SLC14A2: variants seen among roughly 807,000 people sequenced by gnomAD.
The protein encoded by SLC14A2 is urea transporter 2.
SLC14A2 carries 91 observed loss-of-function variants against 104.6 expected under a neutral mutation model. The observed-to-expected ratio is 0.87, with a 90% CI of 0.73 to 1.04. SLC14A2 has a LOEUF of 1.04. Among genes scored for constraint, SLC14A2 ranks in the 50% least tolerant of loss-of-function variants. The pLI, the probability that SLC14A2 is intolerant of heterozygous loss-of-function variation, is 0.00. For missense variants in SLC14A2, 1,189 were observed against 1,156.0 expected (o/e 1.03, Z -0.41); for synonymous variants, 476 against 466.4 (o/e 1.02, Z -0.27).
At chr18:45,534,396 C>G (rs1258676545) in intron 2 of SLC14A2, among the ~76,000 whole-genome samples, 1 of 152,154 alleles carries the variant, frequency 6.6e-6, no homozygotes, top group Admixed American at 6.5e-5. Context: ...CGCGACATGC[C>G]TGGGACAGCA....
intron 1 of SLC14A2, among the ~76,000 whole-genome samples, chr18:45,336,690 G>A (rs575719253): frequency 6.6e-6 from 1 of 152,256 alleles, no homozygotes; most frequent in Non-Finnish European, 1.5e-5. Context: ...TTCTGGGATT[G>A]TTCCTCTGGT....
At chr18:45,181,772 A>G in the SLC14A2 span, among the ~76,000 whole-genome samples, 2 of 151,542 alleles carry the variant, frequency 1.3e-5, no homozygotes, top group East Asian at 3.9e-4. Flanking sequence ...CTCATAAGAA[A>G]TATAAAAAGA....
upstream of SLC14A2, among the ~76,000 whole-genome samples, chr18:45,611,660 A>G (rs1190794651): frequency 6.6e-6 from 1 of 152,204 alleles, no homozygotes; most frequent in African/African-American, 2.4e-5. Context: ...TGGATGAGGG[A>G]GAGAACCTTA....
intron 2 of SLC14A2, among the ~76,000 whole-genome samples, chr18:45,537,715 G>A (rs531688630): frequency 3.1e-4 from 47 of 152,294 alleles, no homozygotes; most frequent in Admixed American, 1.5e-3. Flanking sequence ...AGAATAGACC[G>A]CATTGGCCAC....
intron 2 of SLC14A2, chr18:45,528,338 C>G (rs1462634375): frequency 6.6e-6 from 1 of 151,998 alleles, no homozygotes; most frequent in Non-Finnish European, 1.5e-5. Context: ...CAATATCATT[C>G]CTGTAGTTTC....
At position 45,338,682 on chromosome 18, in the gene SLC14A2, C is replaced by CAAAAAAAAA. The variant is rs59474827; in HGVS notation, c.-125+125513_-125+125521dup. Among the ~76,000 whole-genome samples the CAAAAAAAAA allele has an allele frequency of 8.9e-4, 46 of 51,836 alleles. 2 individuals carry two copies. Among genetic ancestry groups the CAAAAAAAAA allele is most frequent in the East Asian group, 1.3e-3 (2 of 1,560 alleles). The allele number at this position is 51,836 out of a possible 152,430, so 34.0% of individuals were successfully genotyped here. On this transcript the variant is annotated intron_variant, in intron 1 of 20. Coordinates refer to the SLC14A2 transcript ENST00000586448. ...GGCCATAGTAACTCACACTGGCTCA[C>CAAAAAAAAA]AAAAAAAAAAAAAAAAAAAAAAAAA...
At chr18:45,440,713 C>T (rs1022430762) in intron 1 of SLC14A2, among the ~76,000 whole-genome samples, 2 of 152,150 alleles carry the variant, frequency 1.3e-5, no homozygotes, top group Admixed American at 6.5e-5. Context: ...TCCATTTTCT[C>T]ATCTGTAATG....
chr18:45,269,114 G>A (rs188110682), intron 1 of SLC14A2, among the ~76,000 whole-genome samples: 6 of 151,922 alleles, frequency 3.9e-5, no homozygotes, highest in African/African-American at 1.5e-4. Flanking sequence ...GCCAAATCAA[G>A]ATAAAACAAT....
At chr18:45,631,329 G>T (rs1282038112) in intron 4 of SLC14A2, among the ~76,000 whole-genome samples, 1 of 152,214 alleles carries the variant, frequency 6.6e-6, no homozygotes, top group Non-Finnish European at 1.5e-5. Flanking sequence ...CTTGGCAGGG[G>T]CCTTGCATCA....
Position 45,518,442 on chromosome 18 carries a change from A to G in SLC14A2, c.-35+35120A>G, listed in dbSNP as rs148044349. Among the ~76,000 whole-genome samples the G allele has an allele frequency of 9.6e-4, 146 of 152,230 alleles. 3 individuals are homozygous for G. The East Asian group carries it at 0.027, about 28-fold the overall frequency. On this transcript the variant is annotated intron_variant, in intron 2 of 20. Coordinates refer to the SLC14A2 transcript ENST00000586448. The stretch of plus-strand genomic sequence containing the variant: ...ATTCATTCATTCAGCCTATTTACCA[A>G]CTGTCAAGTACAGCATAGACACTGG...
intron 1 of SLC14A2, among the ~76,000 whole-genome samples, chr18:45,462,761 A>AT (rs1038727417): frequency 2.0e-5 from 3 of 151,708 alleles, no homozygotes; most frequent in South Asian, 2.1e-4. Flanking sequence ...CTGGTTTTGC[A>AT]TTTTTTTTAA....
At chr18:45,268,751 C>T (rs1233928987) in intron 1 of SLC14A2, among the ~76,000 whole-genome samples, 1 of 151,468 alleles carries the variant, frequency 6.6e-6, no homozygotes, top group African/African-American at 2.4e-5. Flanking sequence ...AGCTGGTATA[C>T]ACCATGGCTC....
chr18:45,415,422 C>T (rs2086266619), intron 1 of SLC14A2, among the ~76,000 whole-genome samples: 1 of 152,102 alleles, frequency 6.6e-6, no homozygotes, highest in African/African-American at 2.4e-5. Context: ...CCCATCAAAG[C>T]TCTGTAATCG....
At chr18:45,480,199 G>A (rs2087465437) in intron 1 of SLC14A2, among the ~76,000 whole-genome samples, 1 of 152,178 alleles carries the variant, frequency 6.6e-6, no homozygotes, top group Admixed American at 6.6e-5. Context: ...TGATTTGCTT[G>A]AGTCTACAAG....
chr18:45,221,432 G>A (rs1478762126), intron 1 of SLC14A2, among the ~76,000 whole-genome samples: 3 of 150,916 alleles, frequency 2.0e-5, no homozygotes, highest in Non-Finnish European at 1.5e-5. Context: ...ACGGGCCAGT[G>A]TGGCATGGGA....
chr18:45,388,301 A>G (rs919059548), intron 1 of SLC14A2, among the ~76,000 whole-genome samples: 1 of 151,882 alleles, frequency 6.6e-6, no homozygotes, highest in Non-Finnish European at 1.5e-5. Flanking sequence ...TGACCTCGTG[A>G]TCCACCTGCC....
intron 2 of SLC14A2, among the ~76,000 whole-genome samples, chr18:45,514,875 T>A (rs575829368): frequency 6.6e-6 from 1 of 152,372 alleles, no homozygotes; most frequent in South Asian, 2.1e-4. Context: ...AAATGTTAAT[T>A]GAAATATTAA....
chr18:45,183,906 ATTTTTTTT>A, the SLC14A2 span, among the ~76,000 whole-genome samples: 65 of 62,722 alleles, frequency 1.0e-3, no homozygotes, highest in South Asian at 0.028. Flanking sequence ...TAATTTTCTA[ATTTTTTTT>A]TTTTTTTTTT....
At chr18:45,520,444 G>A (rs1249784953) in intron 2 of SLC14A2, among the ~76,000 whole-genome samples, 1 of 152,148 alleles carries the variant, frequency 6.6e-6, no homozygotes, top group Non-Finnish European at 1.5e-5. Context: ...CCCTGTCCCT[G>A]ACCCAGTGCC....
Sources: gnomAD v4.1 joint callset for allele counts (sites outside exome capture counted in the v4.1 genomes callset) on GRCh38, gnomAD v4.1.1 for gene constraint, MANE v1.5 for transcripts, NCBI Gene and HGNC (gene_info 2026-07-23, HGNC 2026-07-21) for gene names.